SPECC1: variants seen among roughly 807,000 people sequenced by gnomAD.
SPECC1 encodes the protein cytospin-B.
SPECC1 carries 62 observed loss-of-function variants against 104.1 expected under a neutral mutation model. The observed-to-expected ratio is 0.60, with a 90% CI of 0.49 to 0.74. The LOEUF is 0.74. SPECC1 is among the 30% of genes least tolerant of loss of function. SPECC1 has a pLI of 0.00. For missense variants in SPECC1, 1,306 were observed against 1,310.5 expected (o/e 1.00, Z 0.05); for synonymous variants, 513 against 501.6 (o/e 1.02, Z -0.30).
chr17:20,266,599 A>G (rs2040227141), intron 12 of SPECC1, among the ~76,000 whole-genome samples: 1 of 152,174 alleles, frequency 6.6e-6, no homozygotes, highest in African/African-American at 2.4e-5. Context: ...ATATATATAT[A>G]TATTGTAGGT....
chr17:20,256,086 C>A (rs1234511611), intron 10 of SPECC1, among the ~76,000 whole-genome samples: 1 of 151,754 alleles, frequency 6.6e-6, no homozygotes, highest in Non-Finnish European at 1.5e-5. Flanking sequence ...ACCGTGTTAG[C>A]CAGGATGGTC....
intron 13 of SPECC1, among the ~76,000 whole-genome samples, chr17:20,302,151 AG>A (rs1403759919): frequency 2.6e-5 from 4 of 152,194 alleles, no homozygotes; most frequent in Non-Finnish European, 5.9e-5. Context: ...TGACCCTGAG[AG>A]GGGGAACTCT....
chr17:20,188,415 G>A (rs2035428787), intron 3 of SPECC1, among the ~76,000 whole-genome samples: 1 of 151,768 alleles, frequency 6.6e-6, no homozygotes, highest in African/African-American at 2.4e-5. Flanking sequence ...GCACCACCAC[G>A]CCTGGCTAAT....
chr17:20,098,509 T>A (rs1195866648), intron 2 of SPECC1, among the ~76,000 whole-genome samples: 1 of 151,860 alleles, frequency 6.6e-6, no homozygotes, highest in Admixed American at 6.6e-5. Flanking sequence ...AAAAGCAGAG[T>A]CCTTGAAATG....
intron 4 of SPECC1, among the ~76,000 whole-genome samples, chr17:20,221,712 GTTAT>G (rs1396344559): frequency 6.6e-6 from 1 of 151,534 alleles, no homozygotes. Flanking sequence ...TGCTTTTCTG[GTTAT>G]TTAAGATGCA....
intron 4 of SPECC1, among the ~76,000 whole-genome samples, chr17:20,212,500 G>A (rs896887371): frequency 1.3e-5 from 2 of 152,176 alleles, no homozygotes; most frequent in African/African-American, 4.8e-5. Context: ...GAGAGCTTGT[G>A]CAGGGAAACT....
chr17:20,211,620 C>T (rs1225472935), intron 4 of SPECC1, among the ~76,000 whole-genome samples: 1 of 152,256 alleles, frequency 6.6e-6, no homozygotes, highest in African/African-American at 2.4e-5. Flanking sequence ...TGGCCCGGAA[C>T]TCATGGCATG....
chr17:20,116,803 CTTTTTTTTTTTTTTT>C (rs58127201), intron 3 of SPECC1, among the ~76,000 whole-genome samples: 1 of 50,390 alleles, frequency 2.0e-5, no homozygotes, highest in Non-Finnish European at 3.7e-5. Flanking sequence ...TGTCTGGAGA[CTTTTTTTTTTTTTTT>C]TTTTTTTTTT....
At chr17:20,126,745 C>T (rs972290797) in intron 3 of SPECC1, among the ~76,000 whole-genome samples, 1 of 152,206 alleles carries the variant, frequency 6.6e-6, no homozygotes, top group South Asian at 2.1e-4. Context: ...GACTTGCTCT[C>T]ACTTTACTGT....
At chr17:20,062,941 G>A (rs752286128) in intron 1 of SPECC1, among the ~76,000 whole-genome samples, 13 of 152,080 alleles carry the variant, frequency 8.5e-5, no homozygotes, top group African/African-American at 1.2e-4. Flanking sequence ...GCCCACCACA[G>A]CCTCCTAAAG....
At chr17:20,299,400 T>A (rs569642750) in intron 13 of SPECC1, among the ~76,000 whole-genome samples, 27 of 150,730 alleles carry the variant, frequency 1.8e-4, no homozygotes, top group Middle Eastern at 3.4e-3. Context: ...ACAAAAAAAA[T>A]TTTTTTTCAA....
chr17:20,062,430 A>G (rs2046219891), intron 1 of SPECC1, among the ~76,000 whole-genome samples: 1 of 152,020 alleles, frequency 6.6e-6, no homozygotes, highest in East Asian at 1.9e-4. Flanking sequence ...TGGTGTGATC[A>G]CGGCTCACCA....
chr17:20,123,875 A>T (rs146582885), intron 3 of SPECC1, among the ~76,000 whole-genome samples: 2 of 152,184 alleles, frequency 1.3e-5, no homozygotes, highest in Non-Finnish European at 2.9e-5. Flanking sequence ...CCTTATTATC[A>T]TTCCCATTTT....
rs151114133 is a variant in SPECC1 at position 20,043,274 on chromosome 17, C to T, written c.-22+33850C>T. On this transcript the variant is annotated intron_variant, in intron 1 of 14. Coordinates refer to ENST00000395527, the MANE Select transcript of SPECC1 (RefSeq NM_001243439.2). ...TCACAGGAAGCTTGATCACATCTTCCTTCCTGTATCTAATAAATTATCTGT... is the reference window on the plus strand; with the variant it reads ...TCACAGGAAGCTTGATCACATCTTCTTTCCTGTATCTAATAAATTATCTGT... Among the ~76,000 whole-genome samples the T allele has an allele frequency of 3.4e-3, 522 of 152,278 alleles. 1 individual carries two copies. The highest frequency in any genetic ancestry group is 8.1e-3 in the African/African-American group (335 of 41,572).
At chr17:20,089,130 A>G (rs1479340574) in intron 1 of SPECC1, among the ~76,000 whole-genome samples, 2 of 152,238 alleles carry the variant, frequency 1.3e-5, no homozygotes, top group East Asian at 3.8e-4. Context: ...GGCCAGGGTT[A>G]GGCACACAGC....
chr17:20,246,239 T>C (rs2039417526), intron 8 of SPECC1, among the ~76,000 whole-genome samples, 168 bp downstream of exon 8: 1 of 152,190 alleles, frequency 6.6e-6, no homozygotes, highest in African/African-American at 2.4e-5. Flanking sequence ...TGGCTGAGGC[T>C]CCAGGGAGGC....
chr17:20,290,553 T>C (rs2041128784), intron 12 of SPECC1, among the ~76,000 whole-genome samples: 1 of 152,112 alleles, frequency 6.6e-6, no homozygotes, highest in African/African-American at 2.4e-5. Flanking sequence ...TTCACTCTGT[T>C]GCCCTGGCTG....
chr17:20,093,596 G>A (rs1281722346), intron 1 of SPECC1, among the ~76,000 whole-genome samples: 2 of 152,176 alleles, frequency 1.3e-5, no homozygotes, highest in African/African-American at 2.4e-5. Flanking sequence ...GTGGGAAGTG[G>A]ATTGGGAGGA....
intron 1 of SPECC1, among the ~76,000 whole-genome samples, chr17:20,075,279 C>T (rs532676834): frequency 4.0e-4 from 61 of 152,220 alleles, no homozygotes; most frequent in African/African-American, 1.4e-3. Context: ...ATTTGATTCT[C>T]CCAGCAGCCC....
Sources: gnomAD v4.1 joint callset for allele counts (sites outside exome capture counted in the v4.1 genomes callset) on GRCh38, gnomAD v4.1.1 for gene constraint, MANE v1.5 for transcripts, NCBI Gene and HGNC (gene_info 2026-07-23, HGNC 2026-07-21) for gene names.